KLHL13: variants seen among roughly 807,000 people sequenced by gnomAD.
The protein encoded by KLHL13 is kelch like family member 13.
In KLHL13, 10 loss-of-function variants were observed where a neutral mutation model predicts 37.1. The observed-to-expected ratio is 0.27, with a 90% CI of 0.17 to 0.46. The LOEUF (loss-of-function observed/expected upper bound fraction) is 0.46. Ranked by LOEUF, KLHL13 falls within the 20% of genes least tolerant of loss-of-function variation. The pLI, the probability that KLHL13 is intolerant of heterozygous loss-of-function variation, is 1.00. For synonymous variants in KLHL13, 163 were observed against 181.2 expected (o/e 0.90, Z 0.81); for missense variants, 360 against 509.3 (o/e 0.71, Z 2.82).
At chrX:117,912,778 G>T (rs1310112806) in intron 4 of KLHL13, among the ~76,000 whole-genome samples, 5 of 110,795 alleles carry the variant, frequency 4.5e-5, no homozygotes, top group African/African-American at 1.6e-4. Context: ...GCACATAGTT[G>T]GTATATATAT....
chrX:118,086,527 T>A (rs2148139563), intron 1 of KLHL13, among the ~76,000 whole-genome samples: 1 of 112,023 alleles, frequency 8.9e-6, no homozygotes, highest in Admixed American at 9.5e-5. Context: ...TATATCTCAA[T>A]TTTTTTAATT....
intron 1 of KLHL13, among the ~76,000 whole-genome samples, chrX:117,998,103 A>C (rs959238661): frequency 8.9e-6 from 1 of 111,832 alleles, no homozygotes; most frequent in African/African-American, 3.2e-5. Context: ...GAAGGAGAGA[A>C]GAGTGAGAAC....
intron 1 of KLHL13, among the ~76,000 whole-genome samples, chrX:118,063,501 A>G (rs2054763741): frequency 9.0e-6 from 1 of 111,585 alleles, no homozygotes; most frequent in African/African-American, 3.3e-5. Flanking sequence ...CCAGTAACTC[A>G]GGGTTACTTT....
intron 1 of KLHL13, among the ~76,000 whole-genome samples, chrX:117,956,679 A>G (rs1388956085): frequency 2.7e-5 from 3 of 111,946 alleles, no homozygotes; most frequent in African/African-American, 9.7e-5. Context: ...ACCCCAAACT[A>G]TAATTTCTGA....
intron 1 of KLHL13, among the ~76,000 whole-genome samples, chrX:118,057,341 A>G (rs2054695531): frequency 8.9e-6 from 1 of 112,449 alleles, no homozygotes; most frequent in African/African-American, 3.2e-5. Flanking sequence ...TGTGTATACC[A>G]TATACAAATA....
chrX:118,045,909 G>A (rs765609882), intron 1 of KLHL13, among the ~76,000 whole-genome samples: 8 of 112,152 alleles, frequency 7.1e-5, no homozygotes, highest in Non-Finnish European at 1.3e-4. Context: ...TGGCAAGGAT[G>A]TAGATAAAAG....
intron 1 of KLHL13, among the ~76,000 whole-genome samples, chrX:117,963,600 G>A (rs2147868098): frequency 9.7e-6 from 1 of 102,987 alleles, no homozygotes; most frequent in South Asian, 4.9e-4. Flanking sequence ...GGATGGCTGG[G>A]TCAAATGGTA....
intron 1 of KLHL13, among the ~76,000 whole-genome samples, chrX:117,999,599 G>A (rs1023542900): frequency 3.6e-5 from 4 of 110,270 alleles, no homozygotes. Context: ...TGTAAATGAC[G>A]AGTTAATGGG....
intron 1 of KLHL13, among the ~76,000 whole-genome samples, chrX:117,952,773 A>G (rs1283834720): frequency 9.2e-5 from 10 of 109,247 alleles, no homozygotes; most frequent in Non-Finnish European, 1.7e-4. Flanking sequence ...TCAAAAGAAG[A>G]CATTTATGCA....
At chrX:118,057,995 C>T (rs1220737530) in intron 1 of KLHL13, among the ~76,000 whole-genome samples, 1 of 111,342 alleles carries the variant, frequency 9.0e-6, no homozygotes, top group African/African-American at 3.3e-5. Context: ...ATGATGAATA[C>T]AAAGAGAAAG....
At chrX:118,078,642 C>T (rs778020394) in intron 1 of KLHL13, among the ~76,000 whole-genome samples, 1 of 111,552 alleles carries the variant, frequency 9.0e-6, no homozygotes, top group Non-Finnish European at 1.9e-5. Context: ...ACATACACCA[C>T]GTTTGTTTAT....
intron 1 of KLHL13, among the ~76,000 whole-genome samples, chrX:118,032,267 C>T (rs761446126): frequency 7.7e-4 from 86 of 112,360 alleles, no homozygotes; most frequent in African/African-American, 2.6e-3. Flanking sequence ...CCTGCCTCTG[C>T]AGGCTCCACC....
intron 1 of KLHL13, among the ~76,000 whole-genome samples, chrX:118,000,306 T>C (rs1198678937): frequency 8.9e-6 from 1 of 111,991 alleles, no homozygotes; most frequent in African/African-American, 3.2e-5. Flanking sequence ...TGCAACCTTC[T>C]CTCCTGCCCC....
At chrX:117,967,288 G>C (rs909645270) in intron 1 of KLHL13, among the ~76,000 whole-genome samples, 2 of 111,617 alleles carry the variant, frequency 1.8e-5, no homozygotes, top group Non-Finnish European at 3.8e-5. Context: ...AGGATATAAA[G>C]CAATACATCA....
At chrX:117,899,285 A>C in exon 7 of KLHL13, 1 of 1,211,340 alleles carries the variant, frequency 8.3e-7, no homozygotes, top group Non-Finnish European at 1.1e-6. Flanking sequence ...CCCACTGTAC[A>C]CATGCAATGC....
At chrX:118,058,946 A>G (rs1174247439) in intron 1 of KLHL13, among the ~76,000 whole-genome samples, 1 of 111,913 alleles carries the variant, frequency 8.9e-6, no homozygotes, top group East Asian at 2.8e-4. Flanking sequence ...TTAGTAACTG[A>G]CGCACACCTT....
chrX:117,908,333 T>C (rs752761005), intron 5 of KLHL13, among the ~76,000 whole-genome samples: 1 of 109,066 alleles, frequency 9.2e-6, no homozygotes, highest in Non-Finnish European at 1.9e-5. Flanking sequence ...CATGGTGGTT[T>C]GCTGCACCCA....
At chrX:117,983,363 C>A in intron 1 of KLHL13, 1 of 418,480 alleles carries the variant, frequency 2.4e-6, no homozygotes, top group South Asian at 5.4e-5. Flanking sequence ...AGTGCCCTAG[C>A]CATTACTGTA....
At chrX:117,940,275 G>T (rs1173711654) in intron 2 of KLHL13, among the ~76,000 whole-genome samples, 1 of 111,343 alleles carries the variant, frequency 9.0e-6, no homozygotes, top group Non-Finnish European at 1.9e-5. Context: ...TACTTCTGAG[G>T]CCTCTGTTCT....
Sources: gnomAD v4.1 joint callset for allele counts (sites outside exome capture counted in the v4.1 genomes callset) on GRCh38, gnomAD v4.1.1 for gene constraint, MANE v1.5 for transcripts, NCBI Gene and HGNC (gene_info 2026-07-23, HGNC 2026-07-21) for gene names.